The following GARIN2 variants were observed in gnomAD, a reference collection of about 807,000 sequenced individuals.
The protein encoded by GARIN2 is Golgi-associated RAB2 interactor protein 2.
At chr14:67,217,660 A>AT in the GARIN2 span, among the ~76,000 whole-genome samples, 1 of 152,048 alleles carries the variant, frequency 6.6e-6, no homozygotes, top group East Asian at 1.9e-4. Context: ...TCCCTTGAGC[A>AT]TTTTTTGTAA....
chr14:67,199,859 C>T, the GARIN2 span: 8 of 1,492,496 alleles, frequency 5.4e-6, no homozygotes, highest in South Asian at 1.3e-5. Context: ...CCACCTATGC[C>T]TCCTGGGGCT....
At chr14:67,218,597 G>C in the GARIN2 span, among the ~76,000 whole-genome samples, 1 of 152,144 alleles carries the variant, frequency 6.6e-6, no homozygotes, top group South Asian at 2.1e-4. Context: ...GGGCATGTCC[G>C]TCAGGAGCAA....
At chr14:67,226,757 T>G in the GARIN2 span, among the ~76,000 whole-genome samples, 1 of 152,170 alleles carries the variant, frequency 6.6e-6, no homozygotes, top group Non-Finnish European at 1.5e-5. Flanking sequence ...ACAACAAATG[T>G]CCACACTCCA....
At chr14:67,196,223 C>CTTTTTTTTTTTTTTTTTTTT in the GARIN2 span, among the ~76,000 whole-genome samples, 3 of 143,118 alleles carry the variant, frequency 2.1e-5, no homozygotes, top group Non-Finnish European at 4.6e-5. Context: ...TTCTTTCTTT[C>CTTTTTTTTTTTTTTTTTTTT]TTTTTTTTTT....
At chr14:67,222,950 G>A in the GARIN2 span, among the ~76,000 whole-genome samples, 1 of 149,272 alleles carries the variant, frequency 6.7e-6, no homozygotes, top group South Asian at 2.1e-4. Context: ...AATCATTATA[G>A]AATAGGTTTT....
At chr14:67,200,230 C>T in the GARIN2 span, 3 of 1,006,414 alleles carry the variant, frequency 3.0e-6, no homozygotes, top group Non-Finnish European at 4.3e-6. Flanking sequence ...CCTCCACAAC[C>T]CACACCCTAT....
chr14:67,203,076 C>T, the GARIN2 span: 1 of 1,607,108 alleles, frequency 6.2e-7, no homozygotes. Flanking sequence ...AACGCCTTTT[C>T]CTGTTTTCTG....
chr14:67,193,091 T>C, the GARIN2 span, among the ~76,000 whole-genome samples: 3 of 144,458 alleles, frequency 2.1e-5, no homozygotes, highest in Non-Finnish European at 1.5e-5. Flanking sequence ...TCTATCTATA[T>C]CTCTATATAT....
chr14:67,206,352 C>A, the GARIN2 span, among the ~76,000 whole-genome samples: 1 of 151,610 alleles, frequency 6.6e-6, no homozygotes, highest in Non-Finnish European at 1.5e-5. Flanking sequence ...TAAAAATTAG[C>A]CGGTGTGGTA....
chr14:67,193,630 T>TATATAG, the GARIN2 span, among the ~76,000 whole-genome samples: 1 of 147,006 alleles, frequency 6.8e-6, no homozygotes, highest in Non-Finnish European at 1.5e-5. Context: ...TATATCTATC[T>TATATAG]ATATAGATAT....
the GARIN2 span, among the ~76,000 whole-genome samples, chr14:67,215,839 C>A: frequency 2.0e-3 from 310 of 152,228 alleles, no homozygotes; most frequent in African/African-American, 7.0e-3. Flanking sequence ...GCCCCCAACC[C>A]TTGTCTAACA....
the GARIN2 span, chr14:67,201,507 G>C: frequency 4.4e-6 from 2 of 455,922 alleles, no homozygotes; most frequent in Admixed American, 2.4e-5. Context: ...TCTCATCCTG[G>C]TGGCTCTGTC....
At chr14:67,215,156 G>A in the GARIN2 span, among the ~76,000 whole-genome samples, 1 of 152,110 alleles carries the variant, frequency 6.6e-6, no homozygotes, top group Non-Finnish European at 1.5e-5. Context: ...TATCAAGCAA[G>A]GATTCCCCTC....
chr14:67,200,118 C>T, the GARIN2 span: 1 of 1,060,468 alleles, frequency 9.4e-7, no homozygotes, highest in Non-Finnish European at 1.4e-6. Flanking sequence ...GCATGCCCCC[C>T]CGAAGGCCTC....
the GARIN2 span, among the ~76,000 whole-genome samples, chr14:67,192,975 G>T: frequency 7.0e-6 from 1 of 143,194 alleles, no homozygotes; most frequent in Admixed American, 7.1e-5. Context: ...TCGATATCTA[G>T]ATATAGATCT....
At chr14:67,190,155 T>C in the GARIN2 span, among the ~76,000 whole-genome samples, 6 of 150,136 alleles carry the variant, frequency 4.0e-5, no homozygotes, top group Non-Finnish European at 8.9e-5. Context: ...CCTCAGGTGA[T>C]CTACCTGCCT....
the GARIN2 span, among the ~76,000 whole-genome samples, chr14:67,219,520 A>ACAT: frequency 2.0e-5 from 3 of 152,188 alleles, no homozygotes; most frequent in South Asian, 2.1e-4. Context: ...CATCTTGCTG[A>ACAT]CATCACTCCC....
At chr14:67,226,218 A>G in the GARIN2 span, among the ~76,000 whole-genome samples, 5 of 151,814 alleles carry the variant, frequency 3.3e-5, no homozygotes, top group Admixed American at 6.6e-5. Context: ...TTGAGACTGA[A>G]TCTTGCTCTG....
the GARIN2 span, chr14:67,198,960 A>G: frequency 1.4e-6 from 1 of 702,658 alleles, no homozygotes; most frequent in Non-Finnish European, 2.6e-6. Context: ...TCTAACTCTT[A>G]ATACATTCGA....
Sources: allele counts gnomAD v4.1 joint callset (sites outside exome capture counted in the v4.1 genomes callset), GRCh38; gene constraint gnomAD v4.1.1; transcripts MANE v1.5; gene names NCBI Gene and HGNC (gene_info 2026-07-23, HGNC 2026-07-21).